The following SUGCT variants were observed in gnomAD, a reference collection of about 807,000 sequenced individuals.
The protein encoded by SUGCT is succinyl-CoA:glutarate-CoA transferase.
A neutral mutation model predicts 55.0 loss-of-function variants in SUGCT; 41 were observed. That is an observed-to-expected ratio of 0.74 (90% CI 0.58 to 0.97). SUGCT has a LOEUF of 0.97. SUGCT is among the 50% of genes least tolerant of loss of function. SUGCT has a pLI of 0.00. For synonymous variants in SUGCT, 187 were observed against 200.4 expected, an observed-to-expected ratio of 0.93 and a Z score of 0.56; for missense variants, 568 against 547.8, an observed-to-expected ratio of 1.04 and a Z score of -0.37.
chr7:40,231,492 G>GTTAGA (rs1788724080), intron 6 of SUGCT, among the ~76,000 whole-genome samples: 1 of 152,180 alleles, frequency 6.6e-6, no homozygotes, highest in African/African-American at 2.4e-5. Context: ...AGGAGTCTAT[G>GTTAGA]TTAGATTGGG....
At chr7:40,312,675 G>A (rs964320613) in intron 8 of SUGCT, among the ~76,000 whole-genome samples, 2 of 152,126 alleles carry the variant, frequency 1.3e-5, no homozygotes, top group Admixed American at 6.5e-5. Context: ...GTATTCATTC[G>A]GGGGCAGGAA....
intron 6 of SUGCT, among the ~76,000 whole-genome samples, chr7:40,197,856 C>G (rs74425378): frequency 0.038 from 5,731 of 152,218 alleles, 346 homozygotes; most frequent in African/African-American, 0.13. Flanking sequence ...TGTTAGTCTA[C>G]TTGGGAAGCC....
chr7:40,321,971 T>C (rs1795779601), intron 9 of SUGCT, among the ~76,000 whole-genome samples: 1 of 152,190 alleles, frequency 6.6e-6, no homozygotes, highest in African/African-American at 2.4e-5. Context: ...CTGGATTGAA[T>C]GGTAGTTCTA....
chr7:40,503,762 A>G (rs537565593), intron 12 of SUGCT, among the ~76,000 whole-genome samples: 1 of 152,304 alleles, frequency 6.6e-6, no homozygotes, highest in South Asian at 2.1e-4. Flanking sequence ...CTAAGCATCA[A>G]TGCAATAGCA....
chr7:40,274,732 T>C (rs1186981489), intron 8 of SUGCT, 76 bp downstream of exon 8: 6 of 1,352,810 alleles, frequency 4.4e-6, no homozygotes, highest in Non-Finnish European at 5.2e-6. Flanking sequence ...TCAAATTCTA[T>C]GGTCACATGT....
intron 8 of SUGCT, among the ~76,000 whole-genome samples, chr7:40,298,564 C>T (rs1224301576): frequency 2.0e-5 from 3 of 152,108 alleles, no homozygotes; most frequent in Admixed American, 6.6e-5. Flanking sequence ...TCATTATTGT[C>T]GTGGGAAACA....
At chr7:40,824,931 A>G (rs900104416) in intron 13 of SUGCT, among the ~76,000 whole-genome samples, 1 of 152,202 alleles carries the variant, frequency 6.6e-6, no homozygotes. Context: ...TTTAGAGGGG[A>G]CAAACCTTCA....
At chr7:40,790,592 G>A (rs1426347431) in intron 13 of SUGCT, among the ~76,000 whole-genome samples, 1 of 152,130 alleles carries the variant, frequency 6.6e-6, no homozygotes, top group Non-Finnish European at 1.5e-5. Context: ...ATAAATAACA[G>A]TATGGACTAC....
At chr7:40,885,568 A>C in the SUGCT span, among the ~76,000 whole-genome samples, 1 of 151,982 alleles carries the variant, frequency 6.6e-6, no homozygotes, top group Admixed American at 6.6e-5. Flanking sequence ...ACTGACGTTA[A>C]ATTCAACCTC....
chr7:40,565,979 A>G (rs983006720), intron 12 of SUGCT, among the ~76,000 whole-genome samples: 6 of 118,924 alleles, frequency 5.0e-5, no homozygotes, highest in African/African-American at 1.8e-4. Flanking sequence ...ACACACACAC[A>G]CACACACACA....
At chr7:40,336,240 T>C (rs1162212092) in intron 9 of SUGCT, among the ~76,000 whole-genome samples, 1 of 152,210 alleles carries the variant, frequency 6.6e-6, no homozygotes, top group East Asian at 1.9e-4. Context: ...CAGGCTTTGA[T>C]ATCAGGATGA....
chr7:40,665,346 G>C (rs1240109331), intron 12 of SUGCT, among the ~76,000 whole-genome samples: 1 of 152,004 alleles, frequency 6.6e-6, no homozygotes, highest in African/African-American at 2.4e-5. Flanking sequence ...GGAGGCTGAG[G>C]CAGGAGAATT....
chr7:40,709,827 A>G (rs1199747276), intron 12 of SUGCT, among the ~76,000 whole-genome samples: 2 of 152,160 alleles, frequency 1.3e-5, no homozygotes, highest in Non-Finnish European at 2.9e-5. Flanking sequence ...CTACATACAT[A>G]TTGTGGGGCT....
At chr7:40,683,365 C>T (rs1359254039) in intron 12 of SUGCT, among the ~76,000 whole-genome samples, 1 of 152,198 alleles carries the variant, frequency 6.6e-6, no homozygotes, top group Non-Finnish European at 1.5e-5. Flanking sequence ...TCCACCTGTG[C>T]TCAAGACCAC....
chr7:40,658,356 T>A (rs1801131533), intron 12 of SUGCT, among the ~76,000 whole-genome samples: 1 of 152,228 alleles, frequency 6.6e-6, no homozygotes. Flanking sequence ...CTTAATTTCC[T>A]ATTGAGATGA....
intron 12 of SUGCT, among the ~76,000 whole-genome samples, chr7:40,736,557 A>G (rs1379688990): frequency 6.6e-6 from 1 of 151,920 alleles, no homozygotes; most frequent in Non-Finnish European, 1.5e-5. Flanking sequence ...TGTAGAAAAC[A>G]GAAGACATAG....
downstream of SUGCT, among the ~76,000 whole-genome samples, chr7:40,863,312 T>C (rs915533376): frequency 3.3e-5 from 5 of 152,212 alleles, no homozygotes; most frequent in Non-Finnish European, 7.3e-5. Context: ...GGCTTTGGCA[T>C]GAAGACTTCA....
At chr7:40,632,515 A>G (rs1433607065) in intron 12 of SUGCT, among the ~76,000 whole-genome samples, 4 of 146,564 alleles carry the variant, frequency 2.7e-5, no homozygotes, top group African/African-American at 5.1e-5. Flanking sequence ...TAGTCACTCA[A>G]CATGAAGACA....
In SUGCT at chr7:40,170,346, A is replaced by G. The variant is rs188394237; in HGVS notation, c.101-10601A>G. ...ATCAAAGGATTGTCCTAACCCTTAT[A>G]AAACATCAATATAGCCATCAGGGTT... On this transcript the variant is annotated intron_variant, in intron 1 of 13. Coordinates refer to ENST00000335693, the MANE Select transcript of SUGCT (RefSeq NM_001193313.2). Among the ~76,000 whole-genome samples the G allele has an allele frequency of 2.7e-4, 41 of 152,304 alleles. No homozygotes were observed. The East Asian group carries it at 6.0e-3, about 22-fold the overall frequency.
Sources: gnomAD v4.1 joint callset for allele counts (sites outside exome capture counted in the v4.1 genomes callset) on GRCh38, gnomAD v4.1.1 for gene constraint, MANE v1.5 for transcripts, NCBI Gene and HGNC (gene_info 2026-07-23, HGNC 2026-07-21) for gene names.